The following MTMR7 variants were observed in gnomAD, a reference collection of about 807,000 sequenced individuals.
The protein encoded by MTMR7 is myotubularin related protein 7.
In MTMR7, 76 loss-of-function variants were observed where a neutral mutation model predicts 81.2. That is an observed-to-expected ratio of 0.94 (90% CI 0.78 to 1.13). MTMR7 has a LOEUF of 1.13. MTMR7 is among the 50% of genes most tolerant of loss of function. MTMR7 has a pLI of 0.00. For synonymous variants in MTMR7, 372 were observed against 289.8 expected (o/e 1.28, Z -2.88); for missense variants, 1,044 against 820.0 (o/e 1.27, Z -3.34).
intron 7 of MTMR7, among the ~76,000 whole-genome samples, chr8:17,319,982 G>C (rs903538394): frequency 2.0e-5 from 3 of 152,140 alleles, no homozygotes; most frequent in Non-Finnish European, 2.9e-5. Flanking sequence ...TAGATATGCT[G>C]TAAGTGTAAA....
intron 7 of MTMR7, among the ~76,000 whole-genome samples, chr8:17,321,063 T>A (rs1321963572): frequency 6.6e-6 from 1 of 152,176 alleles, no homozygotes; most frequent in Non-Finnish European, 1.5e-5. Flanking sequence ...TAGTTAGCAT[T>A]CTCGTTGATT....
intron 1 of MTMR7, among the ~76,000 whole-genome samples, chr8:17,404,993 T>G (rs996207436): frequency 2.0e-5 from 3 of 152,162 alleles, no homozygotes; most frequent in African/African-American, 7.2e-5. Context: ...GACTGGCTAA[T>G]TTTTGTATTT....
intron 1 of MTMR7, among the ~76,000 whole-genome samples, chr8:17,379,273 A>C (rs1034711775): frequency 4.1e-4 from 62 of 152,262 alleles, no homozygotes; most frequent in African/African-American, 1.5e-3. Flanking sequence ...ACTCCCAGGC[A>C]CTGAGAAAGT....
At chr8:17,372,901 C>T (rs1246971558) in intron 2 of MTMR7, 1 of 500,366 alleles carries the variant, frequency 2.0e-6, no homozygotes, top group African/African-American at 1.9e-5. Context: ...CTAAGTCTCT[C>T]TTCACTGATG....
At chr8:17,398,488 T>A (rs1356358322) in intron 1 of MTMR7, among the ~76,000 whole-genome samples, 3 of 151,934 alleles carry the variant, frequency 2.0e-5, no homozygotes, top group Non-Finnish European at 4.4e-5. Context: ...GACAAGCTAT[T>A]TGAAAACACA....
intron 11 of MTMR7, among the ~76,000 whole-genome samples, chr8:17,305,147 T>C (rs908944694): frequency 2.6e-5 from 4 of 152,224 alleles, no homozygotes; most frequent in Admixed American, 6.5e-5. Context: ...TAATTTTCTT[T>C]ATGAGTCCAT....
chr8:17,398,508 G>T (rs1050205684), intron 1 of MTMR7, among the ~76,000 whole-genome samples: 4 of 150,856 alleles, frequency 2.7e-5, no homozygotes, highest in Admixed American at 2.0e-4. Flanking sequence ...ACAGTCAGAG[G>T]GGACAAAACA....
intron 1 of MTMR7, among the ~76,000 whole-genome samples, chr8:17,405,833 TATAC>T (rs1275712786): frequency 5.1e-5 from 4 of 78,890 alleles, no homozygotes; most frequent in African/African-American, 1.6e-4. Context: ...TCCCCAAAAC[TATAC>T]ACACACACAC....
At chr8:17,353,432 G>C (rs1164281857) in intron 4 of MTMR7, among the ~76,000 whole-genome samples, 1 of 152,046 alleles carries the variant, frequency 6.6e-6, no homozygotes, top group Admixed American at 6.6e-5. Flanking sequence ...CAAACTTTAC[G>C]TTATGCATTT....
chr8:17,318,581 T>G (rs1818220534), intron 7 of MTMR7, among the ~76,000 whole-genome samples: 4 of 152,268 alleles, frequency 2.6e-5, no homozygotes, highest in Admixed American at 2.6e-4. Context: ...GAGGAATCGC[T>G]GTTGGCCACT....
At chr8:17,413,339 CCTGCGCGCCTCTG>C in exon 1 of MTMR7, 1 of 1,505,982 alleles carries the variant, frequency 6.6e-7, no homozygotes. Flanking sequence ...GCCTCACGCA[CCTGCGCGCCTCTG>C]CGGCGCGATG....
At chr8:17,350,629 A>T (rs1204583835) in intron 4 of MTMR7, among the ~76,000 whole-genome samples, 1 of 152,174 alleles carries the variant, frequency 6.6e-6, no homozygotes, top group Non-Finnish European at 1.5e-5. Context: ...CTTTATCTGC[A>T]GGCCCTGTGT....
intron 4 of MTMR7, chr8:17,349,623 G>C (rs1819664827): frequency 6.5e-6 from 1 of 153,164 alleles, no homozygotes; most frequent in South Asian, 2.0e-4. Flanking sequence ...CGTTCTTCAA[G>C]GGCCAATCGA....
At chr8:17,338,482 T>C (rs1267635752) in intron 6 of MTMR7, among the ~76,000 whole-genome samples, 4 of 152,066 alleles carry the variant, frequency 2.6e-5, no homozygotes. Context: ...TCTTTTCTCT[T>C]CCTTTTCTTA....
At chr8:17,346,884 T>TAA (rs55910829) in intron 5 of MTMR7, among the ~76,000 whole-genome samples, 3,281 of 65,074 alleles carry the variant, frequency 0.05, 290 homozygotes, top group Non-Finnish European at 0.059. Context: ...CCTATCTTAA[T>TAA]AAAAAAAAAA....
chr8:17,350,244 C>T (rs147107274), intron 4 of MTMR7, among the ~76,000 whole-genome samples: 1 of 152,160 alleles, frequency 6.6e-6, no homozygotes, highest in African/African-American at 2.4e-5. Context: ...CGTCTAACAA[C>T]AGGGGTGTAC....
At position 17,304,430 on chromosome 8, in the gene MTMR7, T is replaced by C; in HGVS notation, c.1442A>G (p.Gln481Arg). The change falls in exon 12 of 14, where the codon CAG (glutamine) becomes CGG (arginine). Residue 481 changes from glutamine (Q) to arginine (R), a missense_variant. By Grantham distance (43) the Gln-to-Arg change is conservative. Transcript: ENST00000180173. ...AGGGAGATGAAGGGTTCCCTGAGTC[T>C]GGCTGTGATCAGCTCTAAACAGAGG... is the stretch of plus-strand genomic sequence containing the variant. ...LNPLFRADHS[Q>R]TQGTLHLPTT... is the part of the protein sequence containing the mutation. 1 of 1,614,098 alleles carries C rather than the reference T, an allele frequency of 6.2e-7. No individual in the cohort carries two copies. The highest frequency in any genetic ancestry group is 8.5e-7 in the Non-Finnish European group (1 of 1,179,958).
chr8:17,342,107 A>T (rs1331484463), intron 5 of MTMR7, among the ~76,000 whole-genome samples: 3 of 152,118 alleles, frequency 2.0e-5, no homozygotes, highest in African/African-American at 7.2e-5. Context: ...TTTTGGAATC[A>T]ATCTGCATTC....
At chr8:17,351,917 C>T (rs1819741433) in intron 4 of MTMR7, among the ~76,000 whole-genome samples, 1 of 152,148 alleles carries the variant, frequency 6.6e-6, no homozygotes. Context: ...AACAATCCTA[C>T]CTTGAAAATA....
Sources: allele counts gnomAD v4.1 joint callset (sites outside exome capture counted in the v4.1 genomes callset), GRCh38; gene constraint gnomAD v4.1.1; transcripts MANE v1.5; gene names NCBI Gene and HGNC (gene_info 2026-07-23, HGNC 2026-07-21).